PDE3A: variants seen among roughly 807,000 people sequenced by gnomAD.
PDE3A encodes the protein phosphodiesterase 3A.
A neutral mutation model predicts 98.3 loss-of-function variants in PDE3A; 43 were observed. The observed-to-expected ratio is 0.44, with a 90% confidence interval of 0.34 to 0.56. The LOEUF (loss-of-function observed/expected upper bound fraction) is 0.56, where lower values mean the gene tolerates loss of function less well. Ranked by LOEUF, PDE3A falls within the 20% of genes least tolerant of loss-of-function variation. The pLI is 0.01. For missense variants in PDE3A, 1,427 were observed against 1,440.7 expected (o/e 0.99, Z 0.15); for synonymous variants, 663 against 567.9 (o/e 1.17, Z -2.38).
rs1238713856 is a variant in PDE3A, at chr12:20,686,693, GCTTCTCTTCAATTATA to G, written c.*6431_*6446del. Among the ~76,000 whole-genome samples, 1 of 152,064 alleles carries G rather than the reference GCTTCTCTTCAATTATA, an allele frequency of 6.6e-6. No homozygotes were observed. Among genetic ancestry groups the G allele is most frequent in the African/African-American group, 2.4e-5 (1 of 41,428 alleles). On this transcript the variant is annotated 3_prime_UTR_variant, in exon 16 of 16. Transcript: ENST00000359062. ...GACAAACTCATAGGAGGAAAGCATG[GCTTCTCTTCAATTATA>G]CTTCTCTTACTCAATATTAGTAACC...
At chr12:20,426,442 A>G (rs1411410662) in intron 1 of PDE3A, among the ~76,000 whole-genome samples, 2 of 152,174 alleles carry the variant, frequency 1.3e-5, no homozygotes, top group Admixed American at 6.5e-5. Flanking sequence ...ACATCATGGG[A>G]AGTAACATAG....
chr12:20,612,791 T>C (rs576547474), intron 2 of PDE3A, among the ~76,000 whole-genome samples: 95 of 151,166 alleles, frequency 6.3e-4, no homozygotes, highest in Non-Finnish European at 1.2e-3. Context: ...TGCTCTTCGT[T>C]TCTGCTGTGA....
At chr12:20,374,438 T>C (rs1387020347) in intron 1 of PDE3A, among the ~76,000 whole-genome samples, 1 of 152,046 alleles carries the variant, frequency 6.6e-6, no homozygotes, top group African/African-American at 2.4e-5. Context: ...GTCATGTTAA[T>C]TAAATAAACA....
intron 1 of PDE3A, among the ~76,000 whole-genome samples, chr12:20,434,354 T>C (rs1263398064): frequency 2.0e-5 from 3 of 152,152 alleles, no homozygotes; most frequent in Non-Finnish European, 4.4e-5. Context: ...GCTTTGAATT[T>C]GTGTGGGGTG....
chr12:20,382,100 T>C (rs1228408746), intron 1 of PDE3A, among the ~76,000 whole-genome samples: 1 of 151,846 alleles, frequency 6.6e-6, no homozygotes. Context: ...TTAGTGTGAA[T>C]AAAAATTATT....
At chr12:20,533,257 C>CT (rs1431152000) in intron 1 of PDE3A, among the ~76,000 whole-genome samples, 2 of 151,714 alleles carry the variant, frequency 1.3e-5, no homozygotes, top group Admixed American at 1.3e-4. Flanking sequence ...CAGTATTTTC[C>CT]TTTTTTCATG....
At chr12:20,557,285 T>A (rs1448477726) in intron 2 of PDE3A, 1 of 153,112 alleles carries the variant, frequency 6.5e-6, no homozygotes, top group African/African-American at 2.4e-5. Context: ...GCATTTATGC[T>A]TTTTAATGAC....
At chr12:20,464,809 T>C (rs1392360390) in intron 1 of PDE3A, among the ~76,000 whole-genome samples, 1 of 152,216 alleles carries the variant, frequency 6.6e-6, no homozygotes, top group East Asian at 1.9e-4. Flanking sequence ...AGTTGTGGTC[T>C]TTGTTTATAC....
chr12:20,509,439 C>T (rs1408713584), intron 1 of PDE3A, among the ~76,000 whole-genome samples: 1 of 152,020 alleles, frequency 6.6e-6, no homozygotes, highest in Non-Finnish European at 1.5e-5. Flanking sequence ...CTAATTAAGA[C>T]CTCTTTTCCA....
chr12:20,609,821 G>T (rs537948566), intron 2 of PDE3A, among the ~76,000 whole-genome samples: 4 of 151,984 alleles, frequency 2.6e-5, no homozygotes, highest in Non-Finnish European at 4.4e-5. Context: ...TTGATAAAAG[G>T]TGCTGAGAAA....
chr12:20,512,397 T>C, intron 1 of PDE3A, among the ~76,000 whole-genome samples: 1 of 152,252 alleles, frequency 6.6e-6, no homozygotes, highest in East Asian at 1.9e-4. Context: ...GAAGCTGCTC[T>C]TATACCAAGA....
chr12:20,462,417 G>A (rs1392301435), intron 1 of PDE3A, among the ~76,000 whole-genome samples: 1 of 152,126 alleles, frequency 6.6e-6, no homozygotes, highest in African/African-American at 2.4e-5. Context: ...CTTGAACCTG[G>A]GAGGCAGAGA....
chr12:20,405,039 C>T (rs1944208225), intron 1 of PDE3A, among the ~76,000 whole-genome samples: 1 of 151,958 alleles, frequency 6.6e-6, no homozygotes, highest in Non-Finnish European at 1.5e-5. Flanking sequence ...AATATAGGAT[C>T]AGTGTTTCTG....
intron 1 of PDE3A, among the ~76,000 whole-genome samples, chr12:20,490,857 T>C (rs913202680): frequency 6.6e-6 from 1 of 152,162 alleles, no homozygotes; most frequent in Admixed American, 6.6e-5. Flanking sequence ...ATACCTGTGA[T>C]TTCAGTTATT....
At chr12:20,519,255 A>G (rs1301881941) in intron 1 of PDE3A, among the ~76,000 whole-genome samples, 1 of 152,160 alleles carries the variant, frequency 6.6e-6, no homozygotes, top group East Asian at 1.9e-4. Flanking sequence ...AACTCCTGTT[A>G]CAGAACACCA....
intron 1 of PDE3A, among the ~76,000 whole-genome samples, chr12:20,473,934 TA>T (rs1481481666): frequency 1.3e-5 from 2 of 152,186 alleles, no homozygotes; most frequent in African/African-American, 4.8e-5. Context: ...TTATCAACAA[TA>T]TGAATAAAAT....
chr12:20,613,614 G>T lies in PDE3A; in HGVS notation c.1183G>T (p.Val395Leu). The part of the protein sequence containing the change: ...LTFQAIHKPR[V>L]NPVTSLSENY... ...CTTCCAGGCCATTCACAAGCCCAGA[G>T]TGAATCCCGTCACTTCGCTCAGTGA... is the stretch of plus-strand genomic sequence containing the variant. Residue 395 changes from valine to leucine, a missense_variant, in exon 3 of 16, where the codon GTG (valine) becomes TTG (leucine). Physicochemically the swap from Val to Leu is conservative, Grantham distance 32 (BLOSUM62 1). Around this residue, in one of 3 missense-constraint regions of PDE3A, gnomAD observed 1,012 missense variants for 886.5 expected, o/e 1.14. Transcript: ENST00000359062. 1 of 1,613,896 alleles carries T rather than the reference G, an allele frequency of 6.2e-7. No individual in the cohort carries two copies. Among genetic ancestry groups the T allele is most frequent in the Non-Finnish European group, 8.5e-7 (1 of 1,179,782 alleles).
intron 14 of PDE3A, among the ~76,000 whole-genome samples, chr12:20,650,883 T>C (rs899858445): frequency 6.6e-6 from 1 of 152,058 alleles, no homozygotes; most frequent in Non-Finnish European, 1.5e-5. Context: ...TGAAATACTG[T>C]TTTTTTATAG....
At chr12:20,420,899 C>A (rs186657276) in intron 1 of PDE3A, among the ~76,000 whole-genome samples, 13 of 152,178 alleles carry the variant, frequency 8.5e-5, no homozygotes, top group Admixed American at 2.6e-4. Context: ...GGTAGGCCAT[C>A]GAACTGTACT....
Sources: allele counts gnomAD v4.1 joint callset (sites outside exome capture counted in the v4.1 genomes callset), GRCh38; gene constraint gnomAD v4.1.1; regional missense constraint gnomAD v4.1.1; transcripts MANE v1.5; gene names NCBI Gene and HGNC (gene_info 2026-07-23, HGNC 2026-07-21).